TLR1: variants seen among roughly 807,000 people sequenced by gnomAD.
TLR1 encodes toll-like receptor 1.
TLR1 carries 19 observed loss-of-function variants against 20.2 expected under a neutral mutation model. That is an observed-to-expected ratio of 0.94 (90% CI 0.66 to 1.38). The LOEUF (loss-of-function observed/expected upper bound fraction) is 1.38. TLR1 is among the 40% of genes most tolerant of loss of function. TLR1 has a pLI of 0.00. For missense variants in TLR1, 921 were observed against 910.0 expected (o/e 1.01, Z -0.16); for synonymous variants, 320 against 334.5 (o/e 0.96, Z 0.47).
downstream of TLR1, among the ~76,000 whole-genome samples, chr4:38,788,519 T>A (rs1725652774): frequency 6.6e-6 from 1 of 152,188 alleles, no homozygotes. Context: ...CACATGCCAT[T>A]GTTGCTTGCA....
At chr4:38,802,739 G>A (rs890052820) in intron 2 of TLR1, among the ~76,000 whole-genome samples, 3 of 152,220 alleles carry the variant, frequency 2.0e-5, no homozygotes, top group Non-Finnish European at 4.4e-5. Flanking sequence ...CTTTGGTCAA[G>A]GATAGGCCAA....
In TLR1 at chr4:38,797,604, C is replaced by T. The variant is rs139333505; in HGVS notation, c.1228G>A (p.Val410Ile). The change falls in exon 4 of 4, where the codon GTA becomes ATA. Residue 410 changes from valine to isoleucine, a missense_variant. By Grantham distance (29) the Val-to-Ile change is conservative. Coordinates refer to ENST00000308979, the MANE Select transcript of TLR1 (RefSeq NM_003263.4). Reference protein sequence around the residue: ...LQQLDISQNSVSYDEKKGDCS... With the variant: ...LQQLDISQNSISYDEKKGDCS... ...TCTCCTTTCTTTTCATCATAGCTTA[C>T]AGAATTCTGGCTAATATCCAATTGT... 10 of 1,613,626 alleles carry T rather than the reference C, an allele frequency of 6.2e-6. No homozygotes were observed. The African/African-American group carries it at 1.3e-4, about 22-fold the overall frequency.
At chr4:38,793,970 T>C (rs1285282221), downstream of TLR1, among the ~76,000 whole-genome samples, 7 of 151,970 alleles carry the variant, frequency 4.6e-5, no homozygotes, top group East Asian at 7.7e-4. Flanking sequence ...CAGCCATCTA[T>C]GAGTTAAGAA....
rs1327401668 is a variant in TLR1, at chr4:38,796,698, A to G, written c.2134T>C (p.Tyr712His). ...VQSEWCHYEL[Y>H]FAHHNLFHEG... ...TGAAAGAGATTGTGATGGGCAAAGT[A>G]GAGTTCATAATGGCACCATTCACTC... Residue 712 changes from tyrosine (Y) to histidine (H), a missense_variant, in exon 4 of 4, where the codon TAC becomes CAC. Tyr to His is a moderately conservative substitution (Grantham distance 83, BLOSUM62 2). Transcript: ENST00000308979. The G allele has an allele frequency of 6.2e-7, 1 of 1,614,114 alleles. No homozygotes were observed. Among genetic ancestry groups the G allele is most frequent in the African/African-American group, 1.3e-5 (1 of 74,930 alleles).
downstream of TLR1, among the ~76,000 whole-genome samples, chr4:38,789,172 A>G (rs144729902): frequency 6.4e-4 from 98 of 152,336 alleles, no homozygotes; most frequent in Middle Eastern, 3.4e-3. Flanking sequence ...AATGAATGGT[A>G]TACTGCACTT....
Position 38,797,884 on chromosome 4 carries a change from T to C in TLR1, c.948A>G (p.Gln316=), listed in dbSNP as rs140421533. The change falls in exon 4 of 4, where the codon CAA becomes CAG. Residue 316 remains glutamine (Q), a synonymous_variant. Coordinates refer to ENST00000308979, the MANE Select transcript of TLR1 (RefSeq NM_003263.4). ...TCGAAAAGATTTCATAGATATAACT[T>C]TGCGGAAAACCGAACACATCGCTGA... ...QVVSDVFGFP[Q]SYIYEIFSNM... The C allele has an allele frequency of 1.7e-5, 28 of 1,613,862 alleles. No homozygotes were observed. Among genetic ancestry groups the C allele is most frequent in the Admixed American group, 6.7e-5 (4 of 59,990 alleles).
rs1200461106 is a variant in TLR1 at position 38,797,264 on chromosome 4, T to G, written c.1568A>C (p.Asp523Ala). 6.2e-7 allele frequency: 1 copy of G among 1,614,208 alleles called. No individual in the cohort carries two copies. Among genetic ancestry groups the G allele is most frequent in the Non-Finnish European group, 8.5e-7 (1 of 1,180,030 alleles). ...CQKMRSIKAGDNPFQCTCELG... is the reference protein window; with the variant it reads ...CQKMRSIKAGANPFQCTCELG... ...CTCACAGGTACATTGGAATGGATTGTCCCCTGCTTTTATTGACCTCATCTT... is the reference window on the plus strand; with the variant it reads ...CTCACAGGTACATTGGAATGGATTGGCCCCTGCTTTTATTGACCTCATCTT... The change falls in exon 4 of 4, where the codon GAC (aspartate) becomes GCC (alanine). Residue 523 changes from aspartate (D) to alanine (A), a missense_variant. Physicochemically the swap from Asp to Ala is moderately radical, Grantham distance 126. Coordinates refer to ENST00000308979, the MANE Select transcript of TLR1 (RefSeq NM_003263.4).
chr4:38,797,876 A>T lies in TLR1; in HGVS notation c.956T>A (p.Ile319Asn). ...GTTCATATTCGAAAAGATTTCATAG[A>T]TATAACTTTGCGGAAAACCGAACAC... ...SDVFGFPQSY[I>N]YEIFSNMNIK... Residue 319 changes from isoleucine to asparagine, a missense_variant, in exon 4 of 4, where the codon ATC (isoleucine) becomes AAC (asparagine). Coordinates refer to ENST00000308979, the MANE Select transcript of TLR1 (RefSeq NM_003263.4). The T allele has an allele frequency of 6.2e-7, 1 of 1,614,092 alleles. No individual in the cohort carries two copies. The highest frequency in any genetic ancestry group is 8.5e-7 in the Non-Finnish European group (1 of 1,179,914).
downstream of TLR1, among the ~76,000 whole-genome samples, chr4:38,793,641 G>A (rs576428102): frequency 4.6e-5 from 7 of 152,178 alleles, no homozygotes; most frequent in South Asian, 2.1e-4. Flanking sequence ...CTGATCTAAC[G>A]TCTAAAAATT....
chr4:38,787,890 T>A (rs2109332825), downstream of TLR1, among the ~76,000 whole-genome samples: 1 of 152,282 alleles, frequency 6.6e-6, no homozygotes, highest in East Asian at 1.9e-4. Flanking sequence ...TCCCTAATGA[T>A]ACCAAATATT....
chr4:38,795,960 C>T (rs921286092), downstream of TLR1, among the ~76,000 whole-genome samples: 2 of 152,172 alleles, frequency 1.3e-5, no homozygotes, highest in Non-Finnish European at 2.9e-5. Context: ...TTCTGAACTG[C>T]CCTTTGTGTG....
downstream of TLR1, among the ~76,000 whole-genome samples, chr4:38,789,623 C>T (rs150400762): frequency 0.028 from 4,284 of 152,094 alleles, 215 homozygotes; most frequent in African/African-American, 0.098. Flanking sequence ...CAACCATGCC[C>T]GGCTAATTTT....
intron 2 of TLR1, among the ~76,000 whole-genome samples, chr4:38,803,913 C>T (rs1385993238): frequency 6.6e-6 from 1 of 152,152 alleles, no homozygotes; most frequent in Non-Finnish European, 1.5e-5. Context: ...AATTTGTCTT[C>T]TTTTGGAGAC....
At position 38,798,718 on chromosome 4, in the gene TLR1, G is replaced by A. The variant is rs5743610; in HGVS notation, c.114C>T (p.His38=). Residue 38 remains histidine (H), a synonymous_variant, in exon 4 of 4, where the codon CAC becomes CAT. Coordinates refer to ENST00000308979, the MANE Select transcript of TLR1 (RefSeq NM_003263.4). The part of the protein sequence containing the change: ...LVDRSKNGLI[H]VPKDLSQKTT... ...TTTTCTGGGATAGGTCTTTAGGAAC[G>A]TGGATGAGACCGTTTTTTGACCTAT... 0.023 allele frequency: 37,378 copies of A among 1,613,594 alleles called. 555 individuals are homozygous for A. The highest frequency in any genetic ancestry group is 0.029 in the Middle Eastern group (169 of 5,842).
At chr4:38,793,874 G>T (rs1032584470), downstream of TLR1, among the ~76,000 whole-genome samples, 1 of 150,474 alleles carries the variant, frequency 6.6e-6, no homozygotes, top group Non-Finnish European at 1.5e-5. Flanking sequence ...AATGTAATTG[G>T]TGTCCTTATT....
chr4:38,799,178 C>T (rs573599710), intron 3 of TLR1, among the ~76,000 whole-genome samples: 1 of 152,290 alleles, frequency 6.6e-6, no homozygotes, highest in South Asian at 2.1e-4. Flanking sequence ...CCCCAGAAAC[C>T]ATGAATGTTA....
Position 38,797,495 on chromosome 4 carries a change from C to T in TLR1, c.1337G>A (p.Arg446Lys). 3.1e-6 allele frequency: 5 copies of T among 1,614,120 alleles called. No homozygotes were observed. The highest frequency in any genetic ancestry group is 3.4e-6 in the Non-Finnish European group (4 of 1,180,020). The change falls in exon 4 of 4, where the codon AGG (arginine) becomes AAG (lysine). Residue 446 changes from arginine to lysine, a missense_variant. Transcript: ENST00000308979. ...TDTIFRCLPP[R>K]IKVLDLHSNK... ...GCTGTGAAGATCAAGTACCTTGATC[C>T]TGGGAGGTAAACATCTGAAAATAGT...
chr4:38,798,685 G>A lies in TLR1; in HGVS notation c.147C>T (p.Ile49=), dbSNP rs771478908. 3.7e-6 allele frequency: 6 copies of A among 1,613,940 alleles called. No homozygotes were observed. Among genetic ancestry groups the A allele is most frequent in the Admixed American group, 3.3e-5 (2 of 60,002 alleles). ...ATATATAATTTTGCGATATATTTAA[G>A]ATTGTTGTTTTCTGGGATAGGTCTT... ...VPKDLSQKTT[I]LNISQNYISE... The change falls in exon 4 of 4, where the codon ATC becomes ATT. Residue 49 remains isoleucine (I), a synonymous_variant. Transcript: ENST00000308979.
At chr4:38,787,597 T>A (rs1041433713), downstream of TLR1, among the ~76,000 whole-genome samples, 3 of 152,086 alleles carry the variant, frequency 2.0e-5, no homozygotes, top group Admixed American at 6.5e-5. Context: ...AATAATATAT[T>A]TTATATAATT....
Sources: allele counts gnomAD v4.1 joint callset (sites outside exome capture counted in the v4.1 genomes callset), GRCh38; gene constraint gnomAD v4.1.1; transcripts MANE v1.5; gene names NCBI Gene and HGNC (gene_info 2026-07-23, HGNC 2026-07-21).